The following DROSHA variants were observed in gnomAD, a reference collection of about 807,000 sequenced individuals.
DROSHA encodes ribonuclease 3.
Under a neutral mutation model 181.9 loss-of-function variants are expected in DROSHA, and 56 were observed. The ratio of observed to expected loss-of-function variants is 0.31; its 90% CI spans 0.25 to 0.38. DROSHA has a LOEUF of 0.38. DROSHA is among the 10% of genes least tolerant of loss of function. DROSHA has a pLI of 1.00. For missense variants in DROSHA, 1,218 were observed against 1,743.5 expected, an observed-to-expected ratio of 0.70 and a Z score of 5.37; for synonymous variants, 524 against 591.2, an observed-to-expected ratio of 0.89 and a Z score of 1.65.
At chr5:31,402,951 T>C (rs2149982069) in intron 35 of DROSHA, among the ~76,000 whole-genome samples, 1 of 152,144 alleles carries the variant, frequency 6.6e-6, no homozygotes, top group East Asian at 1.9e-4. Context: ...ACCGGCTAAT[T>C]TTTGTATTTT....
chr5:31,477,222 T>C (rs1285686558), intron 16 of DROSHA, among the ~76,000 whole-genome samples: 1 of 152,188 alleles, frequency 6.6e-6, no homozygotes, highest in Non-Finnish European at 1.5e-5. Flanking sequence ...TTATATTGCT[T>C]GATTATTTAT....
Position 31,451,201 on chromosome 5 carries a change from C to T in DROSHA, c.2682+332G>A, listed in dbSNP as rs145939649. On this transcript the variant is annotated intron_variant, in intron 21 of 35. Transcript: ENST00000344624. ...TGGGAAACAAGAGCGAAACTCTGTA[C>T]CAGAAAAGAAAAAAAAAATCTACAT... 4.8e-3 allele frequency among the ~76,000 whole-genome samples: 728 copies of T among 151,402 alleles called. 4 individuals carry two copies. The highest frequency in any genetic ancestry group is 0.017 in the African/African-American group (694 of 41,282).
chr5:31,519,581 A>C (rs1429524472), intron 6 of DROSHA, among the ~76,000 whole-genome samples: 2 of 152,178 alleles, frequency 1.3e-5, no homozygotes, highest in East Asian at 3.9e-4. Flanking sequence ...TAACAACGAT[A>C]AGCAATGGGG....
chr5:31,405,578 C>T, intron 35 of DROSHA, 99 bp downstream of exon 35: 1 of 1,079,718 alleles, frequency 9.3e-7, no homozygotes, highest in Non-Finnish European at 1.3e-6. Context: ...AACAAGATCA[C>T]ATTTTATCAA....
Position 31,531,505 on chromosome 5 carries a change from CAG to C in DROSHA, c.-231_-230del, listed in dbSNP as rs1436657324. ...TCTCTTCTCGGTTGCGGTTTGGAAACAGAGACACTGAAGGAGCTGTCTTGAAT... is the reference window on the plus strand; with the variant it reads ...TCTCTTCTCGGTTGCGGTTTGGAAACAGACACTGAAGGAGCTGTCTTGAAT... On this transcript the variant is annotated 5_prime_UTR_variant, in exon 2 of 36. Coordinates refer to ENST00000344624, the MANE Select transcript of DROSHA (RefSeq NM_001382508.1). 3.3e-5 allele frequency: 5 copies of C among 152,202 alleles called. No homozygotes were observed. In the East Asian group the frequency reaches 5.8e-4, roughly 18 times the overall value. 9.4% of individuals were successfully genotyped at this position (152,202 alleles called of 1,614,324 possible).
chr5:31,527,401 T>A (rs933539572), intron 4 of DROSHA: 1 of 157,840 alleles, frequency 6.3e-6, no homozygotes, highest in Admixed American at 6.1e-5. Flanking sequence ...CTCAGGTCTA[T>A]TCCAACATAA....
chr5:31,490,810 C>A (rs537539849), intron 13 of DROSHA, among the ~76,000 whole-genome samples: 1 of 152,146 alleles, frequency 6.6e-6, no homozygotes, highest in African/African-American at 2.4e-5. Flanking sequence ...CTATGAACTG[C>A]ACAACAGTCA....
intron 16 of DROSHA, 95 bp downstream of exon 16, chr5:31,483,459 G>T: frequency 8.4e-7 from 1 of 1,184,438 alleles, no homozygotes; most frequent in Non-Finnish European, 1.2e-6. Flanking sequence ...CAGTATCGAA[G>T]GTGGGAAAGT....
At chr5:31,527,292 C>A (rs533040724) in intron 4 of DROSHA, among the ~76,000 whole-genome samples, 2 of 152,332 alleles carry the variant, frequency 1.3e-5, no homozygotes, top group South Asian at 4.1e-4. Flanking sequence ...CCCCAGCCCC[C>A]ACTCCCATCT....
chr5:31,478,729 T>C (rs1750687991), intron 16 of DROSHA, among the ~76,000 whole-genome samples: 1 of 152,074 alleles, frequency 6.6e-6, no homozygotes, highest in Non-Finnish European at 1.5e-5. Context: ...AGTGAGACTC[T>C]GTCTCAAAAA....
At chr5:31,472,473 G>T (rs978110309) in intron 16 of DROSHA, among the ~76,000 whole-genome samples, 1 of 152,116 alleles carries the variant, frequency 6.6e-6, no homozygotes, top group African/African-American at 2.4e-5. Context: ...CATTATAAAT[G>T]ATAAAAGGCT....
chr5:31,510,219 G>A (rs1738516006), intron 9 of DROSHA, among the ~76,000 whole-genome samples: 1 of 152,168 alleles, frequency 6.6e-6, no homozygotes, highest in South Asian at 2.1e-4. Context: ...TGTACTGCAT[G>A]AGATAGATGC....
At chr5:31,455,516 T>A (rs887246362) in intron 20 of DROSHA, among the ~76,000 whole-genome samples, 1 of 151,932 alleles carries the variant, frequency 6.6e-6, no homozygotes, top group African/African-American at 2.4e-5. Flanking sequence ...AAAAATTAAC[T>A]GAAAAGAGCT....
rs74629049 is a variant in DROSHA at position 31,491,087 on chromosome 5, A to T, written c.1842+2120T>A. ...TAAACCTAAAACTACTATTTTTTTT[A>T]AAAAAGTCCACATTTTAAAAAAATT... On this transcript the variant is annotated intron_variant, in intron 13 of 35. Coordinates refer to ENST00000344624, the MANE Select transcript of DROSHA (RefSeq NM_001382508.1). Among the ~76,000 whole-genome samples, 1,265 of 152,046 alleles carry T rather than the reference A, an allele frequency of 8.3e-3. 23 individuals carry two copies. The highest frequency in any genetic ancestry group is 0.028 in the African/African-American group (1,154 of 41,488).
Position 31,455,043 on chromosome 5 carries a change from AAAT to A in DROSHA, c.2575-3406_2575-3404del, listed in dbSNP as rs532572031. Among the ~76,000 whole-genome samples the A allele has an allele frequency of 3.0e-3, 454 of 152,142 alleles. 1 individual carries two copies. The highest frequency in any genetic ancestry group is 0.01 in the African/African-American group (428 of 41,562). ...AGAAGGATTAACAAAAATTACAAAT[AAAT>A]ATTACATAAATTCAGAAATGAGATT... On this transcript the variant is annotated intron_variant, in intron 20 of 35. Transcript: ENST00000344624.
In DROSHA at chr5:31,470,296, GGC is replaced by G. The variant is rs1237636934; in HGVS notation, c.2241+1765_2241+1766del. 2.6e-5 allele frequency among the ~76,000 whole-genome samples: 4 copies of G among 152,088 alleles called. No individual in the cohort carries two copies. Among genetic ancestry groups the G allele is most frequent in the African/African-American group, 9.7e-5 (4 of 41,416 alleles). The stretch of plus-strand genomic sequence containing the variant: ...ATCTTACTGTTTAGGAAGCACCCCT[GGC>G]AAGCCTATCCCAGTGATAGCTCCTA... On this transcript the variant is annotated intron_variant, in intron 17 of 35. Coordinates refer to ENST00000344624, the MANE Select transcript of DROSHA (RefSeq NM_001382508.1). The surrounding 1 kb of genome is among the most constrained non-coding windows in gnomAD (Gnocchi z 4.0).
intron 23 of DROSHA, among the ~76,000 whole-genome samples, chr5:31,443,182 G>C (rs371443929): frequency 6.6e-6 from 1 of 151,494 alleles, no homozygotes; most frequent in Admixed American, 6.6e-5. Context: ...ACCATGTCTC[G>C]CTGATTTTTG....
intron 23 of DROSHA, 119 bp downstream of exon 23, chr5:31,448,428 C>T: frequency 2.5e-6 from 2 of 813,766 alleles, no homozygotes; most frequent in Non-Finnish European, 4.0e-6. Flanking sequence ...AGATGATGGC[C>T]ATGGATACAC....
intron 13 of DROSHA, among the ~76,000 whole-genome samples, chr5:31,490,511 C>G (rs1196684085): frequency 2.6e-5 from 4 of 152,114 alleles, no homozygotes; most frequent in Non-Finnish European, 5.9e-5. Flanking sequence ...GTTGTCAGAG[C>G]TCTTAACATC....
Sources: allele counts gnomAD v4.1 joint callset (sites outside exome capture counted in the v4.1 genomes callset), GRCh38; gene constraint gnomAD v4.1.1; non-coding constraint Gnocchi (gnomAD v3.1); transcripts MANE v1.5; gene names NCBI Gene and HGNC (gene_info 2026-07-23, HGNC 2026-07-21).